The following LRRC47 variants were observed in gnomAD, a reference collection of about 807,000 sequenced individuals.
LRRC47 encodes leucine-rich repeat-containing protein 47.
Under a neutral mutation model 40.9 loss-of-function variants are expected in LRRC47, and 31 were observed. That is an observed-to-expected ratio of 0.76 (90% CI 0.57 to 1.02). The LOEUF is 1.02. LRRC47 is among the 50% of genes least tolerant of loss of function. LRRC47 has a pLI of 0.00. For synonymous variants in LRRC47, 427 were observed against 371.9 expected, an observed-to-expected ratio of 1.15 and a Z score of -1.70; for missense variants, 726 against 796.1, an observed-to-expected ratio of 0.91 and a Z score of 1.06.
At chr1:3,785,019 G>C in intron 3 of LRRC47, 68 bp downstream of exon 3, 1 of 1,248,290 alleles carries the variant, frequency 8.0e-7, no homozygotes, top group East Asian at 2.8e-5. Flanking sequence ...TCGGGCTGCA[G>C]TAGCAGCATG....
chr1:3,781,893 A>G (rs57413808), intron 5 of LRRC47, among the ~76,000 whole-genome samples: 3,224 of 152,256 alleles, frequency 0.021, 78 homozygotes, highest in East Asian at 0.11. Flanking sequence ...ACATGGGAGG[A>G]TCGCTTAAGC....
In LRRC47 at chr1:3,780,884, G is replaced by A. The variant is rs1473526534; in HGVS notation, c.*204C>T. 2.5e-5 allele frequency: 17 copies of A among 687,574 alleles called. No individual in the cohort carries two copies. Among genetic ancestry groups the A allele is most frequent in the Admixed American group, 2.4e-4 (8 of 32,764 alleles). 42.6% of individuals were successfully genotyped at this position (687,574 alleles called of 1,614,324 possible). A position where few individuals can be genotyped will look rare whatever the true frequency, so the allele number is the denominator to read the frequency against. On this transcript the variant is annotated 3_prime_UTR_variant, in exon 7 of 7. Coordinates refer to ENST00000378251, the MANE Select transcript of LRRC47 (RefSeq NM_020710.3). ...CCAGCTACTTGGGAGGCTGAGGCAG[G>A]AGAATCGCTTGAACCCAGGAGACAC...
rs549833599 is a variant in LRRC47 at position 3,796,480 on chromosome 1, G to T, written c.-4C>A. 3.6e-4 allele frequency: 538 copies of T among 1,504,798 alleles called. 1 individual carries two copies. The African/African-American group carries it at 7.2e-3, about 20-fold the overall frequency. The allele number at this position is 1,504,798 out of a possible 1,614,324, so 93.2% of individuals were successfully genotyped here. On this transcript the variant is annotated 5_prime_UTR_variant, in exon 1 of 7. Coordinates refer to ENST00000378251, the MANE Select transcript of LRRC47 (RefSeq NM_020710.3). The stretch of plus-strand genomic sequence containing the variant: ...CTGACACCGCTGCCGCCGCCATGGC[G>T]CCTCAGCTGCTGGCAGGCACCCACC...
chr1:3,795,913 G>A lies in LRRC47; in HGVS notation c.564C>T (p.Asp188=). ...CGGGGCTGAGTTCTCGGAGGCAGTT[G>A]TCAGCAGCCGCCAGTTCACTGAGCA... ...LPLLSELAAA[D]NCLRELSPDI... is the part of the protein sequence containing the mutation. The change falls in exon 1 of 7, where the codon GAC becomes GAT. Residue 188 remains aspartate (D), a synonymous_variant. Transcript: ENST00000378251. 6.3e-7 allele frequency: 1 copy of A among 1,599,232 alleles called. No homozygotes were observed. Among genetic ancestry groups the A allele is most frequent in the Middle Eastern group, 1.7e-4 (1 of 6,034 alleles).
Position 3,787,227 on chromosome 1 carries a change from A to G in LRRC47, c.699T>C (p.Arg233=), listed in dbSNP as rs1230587935. The stretch of plus-strand genomic sequence containing the variant: ...GGCGCTTGTCCCTCAGCTTGTTCCC[A>G]CGGAAATTGATCTCCTTGAGCTTGG... ...DCPKLKEINF[R]GNKLRDKRLE... Residue 233 remains arginine, a synonymous_variant, in exon 2 of 7, where the codon CGT becomes CGC. Transcript: ENST00000378251. 1 of 1,613,462 alleles carries G rather than the reference A, an allele frequency of 6.2e-7. No individual in the cohort carries two copies. Among genetic ancestry groups the G allele is most frequent in the Non-Finnish European group, 8.5e-7 (1 of 1,180,016 alleles).
chr1:3,793,115 C>T (rs1236805901), intron 1 of LRRC47, among the ~76,000 whole-genome samples: 2 of 151,578 alleles, frequency 1.3e-5, no homozygotes, highest in Admixed American at 6.6e-5. Context: ...CTTCCAACTA[C>T]CTTTTTTTTT....
chr1:3,795,982 T>C lies in LRRC47; in HGVS notation c.495A>G (p.Leu165=). 1.3e-6 allele frequency: 2 copies of C among 1,576,194 alleles called. No homozygotes were observed. The highest frequency in any genetic ancestry group is 1.7e-6 in the Non-Finnish European group (2 of 1,162,946). Residue 165 remains leucine (L), a synonymous_variant, in exon 1 of 7, where the codon CTA becomes CTG. Coordinates refer to ENST00000378251, the MANE Select transcript of LRRC47 (RefSeq NM_020710.3). ...GAAAGAGCTCGGCGGGAAAGGAGTC[T>C]AGGCAATTGCCGGTGAGGTTGAGGC... ...LQSLNLTGNC[L]DSFPAELFRP...
At chr1:3,783,796 C>T (rs1287745643) in intron 4 of LRRC47, 200 bp downstream of exon 4, 1 of 580,604 alleles carries the variant, frequency 1.7e-6, no homozygotes, top group Non-Finnish European at 3.1e-6. Context: ...TTCCACTTCC[C>T]TCACGTCAGG....
chr1:3,785,366 C>T (rs1290073355), intron 2 of LRRC47, 163 bp from the exon 3 acceptor site: 1 of 376,700 alleles, frequency 2.7e-6, no homozygotes, highest in Non-Finnish European at 4.7e-6. Context: ...CCCTCCAACT[C>T]CTCTCCACCC....
Position 3,789,579 on chromosome 1 carries a change from T to A in LRRC47, c.616-2269A>T, listed in dbSNP as rs80301333. The stretch of plus-strand genomic sequence containing the variant: ...AGCCTGCAGTGAGTCCCCGAAAGGA[T>A]GATGGCGGGCACTCGGAGAAGGGTC... On this transcript the variant is annotated intron_variant, in intron 1 of 6. Coordinates refer to ENST00000378251, the MANE Select transcript of LRRC47 (RefSeq NM_020710.3). 9.1e-3 allele frequency among the ~76,000 whole-genome samples: 1,390 copies of A among 152,344 alleles called. 48 individuals carry two copies. The East Asian group carries it at 0.11, about 12-fold the overall frequency.
Position 3,781,119 on chromosome 1 carries a change from G to C in LRRC47, c.1721C>G (p.Thr574Ser). 2 of 1,614,090 alleles carry C rather than the reference G, an allele frequency of 1.2e-6. No homozygotes were observed. Among genetic ancestry groups the C allele is most frequent in the South Asian group, 2.2e-5 (2 of 91,084 alleles). Residue 574 changes from threonine (T) to serine (S), a missense_variant, in exon 7 of 7, where the codon ACT (threonine) becomes AGT (serine). Coordinates refer to ENST00000378251, the MANE Select transcript of LRRC47 (RefSeq NM_020710.3). The stretch of plus-strand genomic sequence containing the variant: ...CACGACAGTCACGTGGGGAGGGGCA[G>C]TGGCCAGGTCGGCCTTGGACGGGTA... ...VVYPSKADLA[T>S]APPHVTVVR
In LRRC47 at chr1:3,795,850, G is replaced by T. The variant is rs768920405; in HGVS notation, c.615+12C>A. On this transcript the variant is annotated intron_variant, in intron 1 of 6. Coordinates refer to ENST00000378251, the MANE Select transcript of LRRC47 (RefSeq NM_020710.3). Reference sequence around the variant, plus strand: ...GGCCCCATCCCGCCCCGCCCGGGCAGCCCCCGCTGACCTTGAGCGAGGCCA... The same window carrying T: ...GGCCCCATCCCGCCCCGCCCGGGCATCCCCCGCTGACCTTGAGCGAGGCCA... 9 of 1,559,994 alleles carry T rather than the reference G, an allele frequency of 5.8e-6. No individual in the cohort carries two copies. In the East Asian group the frequency reaches 1.7e-4, roughly 29 times the overall value.
At chr1:3,786,266 G>C (rs559415989) in intron 2 of LRRC47, among the ~76,000 whole-genome samples, 37 of 152,310 alleles carry the variant, frequency 2.4e-4, no homozygotes, top group South Asian at 2.3e-3. Flanking sequence ...GGGAGGCCAA[G>C]GCGGGTGGAC....
chr1:3,780,864 T>C lies in LRRC47; in HGVS notation c.*224A>G. 3.3e-6 allele frequency: 2 copies of C among 598,032 alleles called. No homozygotes were observed. Among genetic ancestry groups the C allele is most frequent in the Non-Finnish European group, 5.7e-6 (2 of 350,174 alleles). 37.0% of individuals were successfully genotyped at this position (598,032 alleles called of 1,614,324 possible). ...AGTGGCACACACCTGTAGTCCCAGC[T>C]ACTTGGGAGGCTGAGGCAGGAGAAT... On this transcript the variant is annotated 3_prime_UTR_variant, in exon 7 of 7. Transcript: ENST00000378251.
At chr1:3,782,055 A>G (rs897025749) in intron 5 of LRRC47, among the ~76,000 whole-genome samples, 1 of 152,172 alleles carries the variant, frequency 6.6e-6, no homozygotes, top group Non-Finnish European at 1.5e-5. Flanking sequence ...TGCTGCACAC[A>G]GCATCCCGGG....
At chr1:3,794,408 G>C (rs1643654685) in intron 1 of LRRC47, among the ~76,000 whole-genome samples, 1 of 151,976 alleles carries the variant, frequency 6.6e-6, no homozygotes, top group African/African-American at 2.4e-5. Context: ...TGTTCAGGCT[G>C]GTATCACAGC....
chr1:3,795,997 G>A lies in LRRC47; in HGVS notation c.480C>T (p.Leu160=). Residue 160 remains leucine (L), a synonymous_variant, in exon 1 of 7, where the codon CTC becomes CTT. Transcript: ENST00000378251. ...GAAAGGAGTCTAGGCAATTGCCGGTGAGGTTGAGGCTCTGCAGGCGCGGGG... is the reference window on the plus strand; with the variant it reads ...GAAAGGAGTCTAGGCAATTGCCGGTAAGGTTGAGGCTCTGCAGGCGCGGGG... ...RCAPRLQSLN[L]TGNCLDSFPA... is the part of the protein sequence containing the mutation. The A allele has an allele frequency of 6.4e-7, 1 of 1,567,580 alleles. No homozygotes were observed. Among genetic ancestry groups the A allele is most frequent in the Non-Finnish European group, 8.6e-7 (1 of 1,157,894 alleles).
Position 3,784,943 on chromosome 1 carries a change from C to T in LRRC47, c.1194+144G>A, listed in dbSNP as rs374047544. The T allele has an allele frequency of 1.6e-3, 711 of 457,704 alleles. 14 individuals carry two copies. The South Asian group carries it at 0.018, about 11-fold the overall frequency. The allele number at this position is 457,704 out of a possible 1,614,324, so 28.4% of individuals were successfully genotyped here. ...CCAGGAGGCAGAGGCTGCAGTGAGC[C>T]GAGATTGTGCCACTGCACTCCAGCC... is the stretch of plus-strand genomic sequence containing the variant. On this transcript the variant is annotated intron_variant, in intron 3 of 6. Transcript: ENST00000378251.
intron 1 of LRRC47, 27 bp downstream of exon 1, chr1:3,795,835 C>T: frequency 6.5e-7 from 1 of 1,539,118 alleles, no homozygotes; most frequent in Non-Finnish European, 8.7e-7. Context: ...GGCCCCATCC[C>T]GCCCCGCCCG....
Sources: allele counts gnomAD v4.1 joint callset (sites outside exome capture counted in the v4.1 genomes callset), GRCh38; gene constraint gnomAD v4.1.1; transcripts MANE v1.5; gene names NCBI Gene and HGNC (gene_info 2026-07-23, HGNC 2026-07-21).